Variants in KCNH7 observed in about 807,000 individuals in gnomAD.
The protein encoded by KCNH7 is voltage-gated inwardly rectifying potassium channel KCNH7.
In KCNH7, 49 loss-of-function variants were observed where a neutral mutation model predicts 120.8. The observed-to-expected ratio is 0.41, with a 90% CI of 0.32 to 0.51. KCNH7 has a LOEUF of 0.51. KCNH7 is among the 20% of genes least tolerant of loss of function. The probability of loss-of-function intolerance (pLI) is 0.38; values close to 1 mark genes in which losing one functional copy is unlikely to be tolerated. For synonymous variants in KCNH7, 547 were observed against 516.1 expected (o/e 1.06, Z -0.81); for missense variants, 1,097 against 1,446.6 (o/e 0.76, Z 3.92).
rs534847642 is a variant in KCNH7, at chr2:162,709,046, A to G, written c.307+127491T>C. On this transcript the variant is annotated intron_variant, in intron 2 of 15. Coordinates refer to ENST00000332142, the MANE Select transcript of KCNH7 (RefSeq NM_033272.4). ...TGATGGAGAGAAGTGGGGCAGTAGC[A>G]TGCTGAAGCTCATCATTAAAAAGTT... is the stretch of plus-strand genomic sequence containing the variant. Among the ~76,000 whole-genome samples the G allele has an allele frequency of 2.6e-5, 4 of 152,262 alleles. No homozygotes were observed. The South Asian group carries it at 8.3e-4, about 31-fold the overall frequency.
intron 2 of KCNH7, among the ~76,000 whole-genome samples, chr2:162,814,462 C>T (rs537785571): frequency 3.3e-5 from 5 of 152,280 alleles, no homozygotes; most frequent in Non-Finnish European, 5.9e-5. Context: ...CTCAAGTCTT[C>T]GCTTCTACTT....
At chr2:162,748,703 A>G (rs927275292) in intron 2 of KCNH7, among the ~76,000 whole-genome samples, 1 of 152,158 alleles carries the variant, frequency 6.6e-6, no homozygotes, top group Non-Finnish European at 1.5e-5. Flanking sequence ...CTCTTCTGTG[A>G]TAACTTTCCA....
intron 2 of KCNH7, among the ~76,000 whole-genome samples, chr2:162,825,757 TA>T (rs980266903): frequency 5.9e-5 from 9 of 152,002 alleles, no homozygotes; most frequent in Admixed American, 3.9e-4. Context: ...ATGTAATCAT[TA>T]AAAAAATATG....
intron 2 of KCNH7, among the ~76,000 whole-genome samples, chr2:162,750,223 A>T (rs997737481): frequency 6.6e-6 from 1 of 152,144 alleles, no homozygotes; most frequent in Non-Finnish European, 1.5e-5. Flanking sequence ...TGGATTAATG[A>T]GTTACAGAGA....
intron 8 of KCNH7, 107 bp downstream of exon 8, chr2:162,435,091 C>T: frequency 9.4e-7 from 1 of 1,066,546 alleles, no homozygotes; most frequent in South Asian, 1.7e-5. Context: ...CCATTATCTC[C>T]TCAATTTTCT....
At chr2:162,372,441 G>T (rs1274530307) in intron 15 of KCNH7, among the ~76,000 whole-genome samples, 1 of 152,084 alleles carries the variant, frequency 6.6e-6, no homozygotes, top group Admixed American at 6.6e-5. Context: ...ATGAATAAGA[G>T]GGTATAAGGA....
At chr2:162,511,005 T>G (rs1287614500) in intron 5 of KCNH7, among the ~76,000 whole-genome samples, 2 of 151,748 alleles carry the variant, frequency 1.3e-5, no homozygotes, top group South Asian at 2.1e-4. Context: ...GTTTAGAGAT[T>G]TGTAATGCCA....
chr2:162,413,595 T>C (rs1377916679), intron 9 of KCNH7, among the ~76,000 whole-genome samples: 1 of 152,188 alleles, frequency 6.6e-6, no homozygotes, highest in African/African-American at 2.4e-5. Flanking sequence ...TCTATTCATG[T>C]GAAGGAAATC....
chr2:162,515,402 A>G (rs1217759306), intron 4 of KCNH7, among the ~76,000 whole-genome samples: 1 of 151,774 alleles, frequency 6.6e-6, no homozygotes, highest in East Asian at 2.0e-4. Flanking sequence ...TCTAATCTAA[A>G]CTACTCAGCA....
chr2:162,720,299 TAA>T (rs59618789), intron 2 of KCNH7, among the ~76,000 whole-genome samples: 7,351 of 97,950 alleles, frequency 0.075, 629 homozygotes, highest in African/African-American at 0.22. Context: ...GATGTGTGAT[TAA>T]AAAAAAAAAA....
At chr2:162,509,763 A>G (rs1564951) in intron 5 of KCNH7, among the ~76,000 whole-genome samples, 138,882 of 151,488 alleles carry the variant, frequency 0.92, 64,896 homozygotes, top group East Asian at 1. Flanking sequence ...CATTTATTTC[A>G]TTTATGAGTC....
At chr2:162,384,195 G>A (rs994670254) in intron 13 of KCNH7, among the ~76,000 whole-genome samples, 6 of 151,712 alleles carry the variant, frequency 4.0e-5, no homozygotes, top group Non-Finnish European at 8.8e-5. Flanking sequence ...ATAAAATAAA[G>A]ACCATACTTT....
At chr2:162,758,734 A>C (rs969794393) in intron 2 of KCNH7, among the ~76,000 whole-genome samples, 1 of 152,118 alleles carries the variant, frequency 6.6e-6, no homozygotes, top group Non-Finnish European at 1.5e-5. Flanking sequence ...TTATAATTGA[A>C]TTCTCTTATA....
At chr2:162,676,582 A>T (rs902964579) in intron 2 of KCNH7, among the ~76,000 whole-genome samples, 6 of 151,472 alleles carry the variant, frequency 4.0e-5, no homozygotes, top group African/African-American at 1.2e-4. Flanking sequence ...CTAGCAAACA[A>T]GGCACTTTCA....
At chr2:162,746,422 A>G (rs1234264061) in intron 2 of KCNH7, among the ~76,000 whole-genome samples, 4 of 152,172 alleles carry the variant, frequency 2.6e-5, no homozygotes, top group African/African-American at 9.6e-5. Flanking sequence ...AAATATTTAT[A>G]GTGAATTCAG....
chr2:162,643,671 C>T lies in KCNH7; in HGVS notation c.308-106591G>A, dbSNP rs185634259. The stretch of plus-strand genomic sequence containing the variant: ...AATACAAAAAATCAGCCAGGCATGG[C>T]GGCGCACACCTGTAGTCCCAGCTAC... On this transcript the variant is annotated intron_variant, in intron 2 of 15. Transcript: ENST00000332142. 2.5e-3 allele frequency among the ~76,000 whole-genome samples: 385 copies of T among 151,592 alleles called. 2 individuals carry two copies. Among genetic ancestry groups the T allele is most frequent in the African/African-American group, 8.5e-3 (352 of 41,334 alleles).
intron 2 of KCNH7, among the ~76,000 whole-genome samples, chr2:162,619,278 A>G (rs1446861519): frequency 1.3e-5 from 2 of 152,084 alleles, no homozygotes; most frequent in Non-Finnish European, 2.9e-5. Flanking sequence ...AGATACTAAG[A>G]GAGGTGAGTA....
chr2:162,614,840 T>C (rs1683089971), intron 2 of KCNH7, among the ~76,000 whole-genome samples: 1 of 151,680 alleles, frequency 6.6e-6, no homozygotes, highest in South Asian at 2.1e-4. Context: ...GCTACTGAAC[T>C]ATATTTGTAC....
intron 2 of KCNH7, among the ~76,000 whole-genome samples, chr2:162,807,262 A>AC (rs1190584198): frequency 3.3e-5 from 4 of 122,776 alleles, no homozygotes; most frequent in Admixed American, 2.5e-4. Flanking sequence ...AATACAAAAA[A>AC]AAAAAAAAAA....
Sources: allele counts gnomAD v4.1 joint callset (sites outside exome capture counted in the v4.1 genomes callset), GRCh38; gene constraint gnomAD v4.1.1; transcripts MANE v1.5; gene names NCBI Gene and HGNC (gene_info 2026-07-23, HGNC 2026-07-21).